Variants in TCF20 observed in about 807,000 individuals in gnomAD.
TCF20 encodes the protein transcription factor 20.
In TCF20, 3 loss-of-function variants were observed where a neutral mutation model predicts 148.6. The observed-to-expected ratio is 0.02, with a 90% CI of 0.01 to 0.05. The LOEUF (loss-of-function observed/expected upper bound fraction) is 0.05. Among genes scored for constraint, TCF20 ranks in the 10% least tolerant of loss-of-function variants. The pLI, the probability that TCF20 is intolerant of heterozygous loss-of-function variation, is 1.00. For synonymous variants in TCF20, 1,049 were observed against 909.5 expected (o/e 1.15, Z -2.76); for missense variants, 2,350 against 2,429.3 (o/e 0.97, Z 0.69).
chr22:42,316,937 G>A (rs79799874), intron 1 of TCF20, among the ~76,000 whole-genome samples: 7 of 152,258 alleles, frequency 4.6e-5, no homozygotes, highest in African/African-American at 1.4e-4. Context: ...AGTGCCAGGC[G>A]TCTTTTCCCG....
rs912646663 is a variant in TCF20 at position 42,317,838 on chromosome 22, TC to T, written c.-37+25640del. Among the ~76,000 whole-genome samples, 6 of 152,068 alleles carry T rather than the reference TC, an allele frequency of 3.9e-5. No homozygotes were observed. Among genetic ancestry groups the T allele is most frequent in the Admixed American group, 3.9e-4 (6 of 15,282 alleles). ...GCAGGGCCCAATTAGGTAGCCAGCT[TC>T]AAAGGCACCCATGAGCCAGTAAGAG... is the stretch of plus-strand genomic sequence containing the variant. On this transcript the variant is annotated intron_variant, in intron 1 of 1. Coordinates refer to the TCF20 transcript ENST00000515426. This position sits in a 1 kb window ranked among gnomAD's most constrained non-coding sequence, Gnocchi z 4.2.
At chr22:42,173,786 C>T (rs1225388097) in intron 3 of TCF20, among the ~76,000 whole-genome samples, 3 of 152,170 alleles carry the variant, frequency 2.0e-5, no homozygotes, top group Non-Finnish European at 4.4e-5. Flanking sequence ...GTGAAACTGC[C>T]TCTGGGTCCC....
intron 1 of TCF20, among the ~76,000 whole-genome samples, chr22:42,250,498 T>TA (rs1331796489): frequency 6.6e-6 from 1 of 151,852 alleles, no homozygotes; most frequent in African/African-American, 2.4e-5. Context: ...GTCCTTTTTT[T>TA]ATACTGTTTT....
rs1926542159 is a variant in TCF20 at position 42,270,400 on chromosome 22, G to A, written c.-98C>T. Among the ~76,000 whole-genome samples the A allele has an allele frequency of 6.7e-6, 1 of 149,130 alleles. No homozygotes were observed. The highest frequency in any genetic ancestry group is 2.0e-4 in the East Asian group (1 of 4,948). ...CGGGGGCGGGCGGGGAGGGAGCGGT[G>A]GCGACGGCGGGCGGCGCTGCGCGGG... On this transcript the variant is annotated 5_prime_UTR_variant, in exon 1 of 6. Coordinates refer to ENST00000677622, the MANE Select transcript of TCF20 (RefSeq NM_001378418.1).
intron 2 of TCF20, among the ~76,000 whole-genome samples, chr22:42,196,619 A>G (rs1357754648): frequency 6.6e-6 from 1 of 152,212 alleles, no homozygotes; most frequent in Non-Finnish European, 1.5e-5. Flanking sequence ...TGTCTGAACT[A>G]AGATTTAAGG....
At chr22:42,285,965 G>A (rs1927024469), upstream of TCF20, among the ~76,000 whole-genome samples, 2 of 152,160 alleles carry the variant, frequency 1.3e-5, no homozygotes, top group Admixed American at 6.5e-5. The surrounding 1 kb of genome is among the most constrained non-coding windows in gnomAD (Gnocchi z 4.2). Flanking sequence ...CTCATATGCC[G>A]TGTCCTGTAA....
intron 1 of TCF20, among the ~76,000 whole-genome samples, chr22:42,268,714 C>T (rs929072155): frequency 6.6e-6 from 1 of 152,174 alleles, no homozygotes; most frequent in Admixed American, 6.5e-5. Flanking sequence ...GAAACATTTT[C>T]TGATAACTTC....
intron 1 of TCF20, among the ~76,000 whole-genome samples, chr22:42,327,935 ACT>A (rs1453182669): frequency 1.3e-5 from 2 of 151,780 alleles, no homozygotes; most frequent in African/African-American, 4.8e-5. Context: ...AGCCTTGCAC[ACT>A]GTTTCCTGCT....
chr22:42,245,479 ATT>A (rs1924830545), intron 1 of TCF20, among the ~76,000 whole-genome samples: 1 of 152,208 alleles, frequency 6.6e-6, no homozygotes, highest in Admixed American at 6.5e-5. Context: ...TAAATTAAAT[ATT>A]GTTTCTTTGA....
At chr22:42,197,646 C>T (rs1937670047) in intron 2 of TCF20, among the ~76,000 whole-genome samples, 1 of 152,098 alleles carries the variant, frequency 6.6e-6, no homozygotes, top group Non-Finnish European at 1.5e-5. Flanking sequence ...TTTAAGAGCT[C>T]TACTAATGCC....
chr22:42,301,387 A>T (rs1018362764), intron 1 of TCF20, among the ~76,000 whole-genome samples: 17 of 152,214 alleles, frequency 1.1e-4, no homozygotes, highest in Non-Finnish European at 2.1e-4. Context: ...ACGTGACCAC[A>T]CAACCACCAC....
rs997028588 is a variant in TCF20, at chr22:42,212,588, C to A, written c.2718G>T (p.Gln906His). The A allele has an allele frequency of 6.2e-7, 1 of 1,613,980 alleles. No individual in the cohort carries two copies. Among genetic ancestry groups the A allele is most frequent in the Non-Finnish European group, 8.5e-7 (1 of 1,179,932 alleles). ...CCAAACCACCAGGAAGAATGACCGA[C>A]TGACTTAAAGTTGGATTGAGACGGT... ...RNDRLNPTLS[Q>H]SVILPGGLVS... Residue 906 changes from glutamine to histidine, a missense_variant, in exon 2 of 6, where the codon CAG becomes CAT. Around this residue, in one of 7 missense-constraint regions of TCF20, gnomAD observed 1,641 missense variants for 1,662.6 expected, o/e 0.99. Coordinates refer to ENST00000677622, the MANE Select transcript of TCF20 (RefSeq NM_001378418.1).
At chr22:42,180,480 A>C (rs190566314) in intron 2 of TCF20, among the ~76,000 whole-genome samples, 24 of 152,326 alleles carry the variant, frequency 1.6e-4, no homozygotes, top group Admixed American at 1.6e-3. Context: ...GTGTCCTATC[A>C]GCAACAAACA....
At chr22:42,171,819 C>T (rs80061560) in intron 3 of TCF20, among the ~76,000 whole-genome samples, 3,223 of 152,244 alleles carry the variant, frequency 0.021, 131 homozygotes, top group African/African-American at 0.074. Flanking sequence ...GTACAGCACA[C>T]GTGGGGCTGG....
At chr22:42,171,105 C>G (rs533697012) in intron 3 of TCF20, among the ~76,000 whole-genome samples, 2 of 152,334 alleles carry the variant, frequency 1.3e-5, no homozygotes, top group African/African-American at 4.8e-5. Flanking sequence ...AAGGACACAT[C>G]TGCCTCCAGG....
Position 42,212,181 on chromosome 22 carries a change from C to T in TCF20, c.3125G>A (p.Arg1042Lys). 3 of 1,614,210 alleles carry T rather than the reference C, an allele frequency of 1.9e-6. No homozygotes were observed. The highest frequency in any genetic ancestry group is 2.5e-6 in the Non-Finnish European group (3 of 1,180,040). ...HMNPHMTFSE[R>K]ANRSSLHTPF... is the part of the protein sequence containing the mutation. The stretch of plus-strand genomic sequence containing the variant: ...AGTGTGTAAAGAACTCCGGTTAGCC[C>T]TCTCTGAAAAGGTCATGTGTGGATT... The change falls in exon 2 of 6, where the codon AGG (arginine) becomes AAG (lysine). Residue 1042 changes from arginine to lysine, a missense_variant. By Grantham distance (26) the Arg-to-Lys change is conservative. This residue lies in a region of TCF20 where 1,641 missense variants were observed against 1,662.6 expected (regional missense o/e 0.99). Transcript: ENST00000677622.
In TCF20 at chr22:42,299,129, C is replaced by T. The variant is rs1927286503; in HGVS notation, c.-37+44350G>A. ...GGAACGGAGACCTGGAGGGGTACCC[C>T]CAAAAATCTGGACTTGGCCCTGCAG... On this transcript the variant is annotated intron_variant, in intron 1 of 1. Transcript: ENST00000515426. This position sits in a 1 kb window ranked among gnomAD's most constrained non-coding sequence, Gnocchi z 4.1. Among the ~76,000 whole-genome samples, 1 of 152,168 alleles carries T rather than the reference C, an allele frequency of 6.6e-6. No homozygotes were observed. The highest frequency in any genetic ancestry group is 2.1e-4 in the South Asian group (1 of 4,836).
At position 42,323,860 on chromosome 22, in the gene TCF20, A is replaced by ATGGTGG. The variant is rs750556854; in HGVS notation, c.-37+19613_-37+19618dup. Among the ~76,000 whole-genome samples the ATGGTGG allele has an allele frequency of 6.2e-4, 44 of 71,480 alleles. 8 individuals carry two copies. The highest frequency in any genetic ancestry group is 5.0e-3 in the Admixed American group (35 of 7,046). The allele number at this position is 71,480 out of a possible 152,430, so 46.9% of individuals were successfully genotyped here. A position where few individuals can be genotyped will look rare whatever the true frequency, so the allele number is the denominator to read the frequency against. ...GGTGGTGGTAGTGGTGATGGAGGTT[A>ATGGTGG]TGGTGGTGGTGGTGGTGGTGGTGAT... On this transcript the variant is annotated intron_variant, in intron 1 of 1. Transcript: ENST00000515426.
chr22:42,282,818 G>C (rs1002699660), intron 1 of TCF20, among the ~76,000 whole-genome samples: 1 of 152,068 alleles, frequency 6.6e-6, no homozygotes, highest in Non-Finnish European at 1.5e-5. Context: ...CTGCCTCGCC[G>C]GCCTGTCTGT....
Sources: allele counts gnomAD v4.1 joint callset (sites outside exome capture counted in the v4.1 genomes callset), GRCh38; gene constraint gnomAD v4.1.1; regional missense constraint gnomAD v4.1.1; non-coding constraint Gnocchi (gnomAD v3.1); transcripts MANE v1.5; gene names NCBI Gene and HGNC (gene_info 2026-07-23, HGNC 2026-07-21).